NPIPB2: variants seen among roughly 807,000 people sequenced by gnomAD.
NPIPB2 encodes the protein nuclear pore complex interacting protein family member B2, also known as nuclear pore complex-interacting protein family member B2.
In NPIPB2, 27 loss-of-function variants were observed where a neutral mutation model predicts 30.8. That is an observed-to-expected ratio of 0.88 (90% CI 0.65 to 1.21). The LOEUF is 1.21. Among genes scored for constraint, NPIPB2 ranks in the 50% most tolerant of loss-of-function variants. NPIPB2 has a pLI of 0.00. For synonymous variants in NPIPB2, 147 were observed against 162.0 expected, an observed-to-expected ratio of 0.91 and a Z score of 0.70; for missense variants, 440 against 446.2, an observed-to-expected ratio of 0.99 and a Z score of 0.13.
chr16:11,960,944 G>A (rs543295028), intron 1 of NPIPB2, among the ~76,000 whole-genome samples: 1 of 150,494 alleles, frequency 6.6e-6, no homozygotes, highest in East Asian at 2.0e-4. Context: ...TTGGCTCACT[G>A]CAACCTCTGC....
chr16:11,937,620 C>T (rs759531268), exon 2 of NPIPB2: 4 of 1,599,462 alleles, frequency 2.5e-6, no homozygotes, highest in Non-Finnish European at 3.4e-6. Context: ...CAAGGACTTC[C>T]ACCAAAGTCA....
At chr16:11,942,804 C>G (rs2054957166), upstream of NPIPB2, among the ~76,000 whole-genome samples, 1 of 151,898 alleles carries the variant, frequency 6.6e-6, no homozygotes, top group African/African-American at 2.4e-5. Flanking sequence ...CCTTTCCTGG[C>G]CCTGTCCTCA....
intron 1 of NPIPB2, chr16:11,976,475 T>G (rs2055298916): frequency 3.1e-6 from 1 of 318,748 alleles, no homozygotes; most frequent in African/African-American, 2.2e-5. Flanking sequence ...TGGGACGAAG[T>G]CGCCCCATCA....
intron 1 of NPIPB2, among the ~76,000 whole-genome samples, chr16:11,973,802 T>G (rs1264166169): frequency 6.6e-6 from 1 of 151,874 alleles, no homozygotes; most frequent in African/African-American, 2.4e-5. Flanking sequence ...AGCCAAATTA[T>G]CACAAGGCTA....
chr16:11,933,213 T>C (rs1019746733), intron 4 of NPIPB2, among the ~76,000 whole-genome samples: 4 of 151,174 alleles, frequency 2.6e-5, no homozygotes, highest in Non-Finnish European at 4.4e-5. Flanking sequence ...CATTGTGCCA[T>C]TGCACTACAG....
intron 1 of NPIPB2, chr16:11,966,420 C>T (rs956538898): frequency 1.6e-5 from 23 of 1,437,404 alleles, no homozygotes; most frequent in Admixed American, 5.9e-5. Flanking sequence ...CTTTTTTTAG[C>T]GTTGACTATT....
At chr16:11,939,922 CA>C (rs1212674948) in intron 1 of NPIPB2, among the ~76,000 whole-genome samples, 3 of 77,362 alleles carry the variant, frequency 3.9e-5, no homozygotes, top group Non-Finnish European at 6.0e-5. Context: ...TTGAGCAGAA[CA>C]AAGCAGACAC....
intron 1 of NPIPB2, among the ~76,000 whole-genome samples, chr16:11,940,860 T>G (rs1237234890): frequency 6.9e-6 from 1 of 144,972 alleles, no homozygotes; most frequent in Non-Finnish European, 1.5e-5. Context: ...GAGACAAGAG[T>G]GCAGCGGGGC....
intron 1 of NPIPB2, among the ~76,000 whole-genome samples, chr16:11,960,754 G>T (rs1477066398): frequency 2.0e-5 from 3 of 152,010 alleles, no homozygotes; most frequent in Non-Finnish European, 2.9e-5. Context: ...GGCCATCAAT[G>T]ACCTGCTTCT....
At position 11,967,797 on chromosome 16, in the gene NPIPB2, C is replaced by A. The variant is rs772934099; in HGVS notation, c.-584+8771G>T. On this transcript the variant is annotated intron_variant, in intron 1 of 5. Transcript: ENST00000538896. ...AACGAATGACTATTGCAAGAGCCTG[C>A]CAGCTGCTTTGAGTGCTACGGAGAT... 3 of 1,614,192 alleles carry A rather than the reference C, an allele frequency of 1.9e-6. No homozygotes were observed. The Admixed American group carries it at 5.0e-5, about 27-fold the overall frequency.
At chr16:11,955,285 C>T (rs560720297) in intron 1 of NPIPB2, among the ~76,000 whole-genome samples, 7 of 124,342 alleles carry the variant, frequency 5.6e-5, no homozygotes, top group East Asian at 2.8e-4. Flanking sequence ...ACCTGGGAGG[C>T]GGGGTTTGCA....
At chr16:11,951,987 G>T (rs572414670) in intron 1 of NPIPB2, among the ~76,000 whole-genome samples, 1 of 151,998 alleles carries the variant, frequency 6.6e-6, no homozygotes, top group African/African-American at 2.4e-5. Context: ...GTGAAACCCC[G>T]ACTCTACTAA....
At chr16:11,938,044 C>T (rs1461762360) in intron 1 of NPIPB2, among the ~76,000 whole-genome samples, 4 of 152,188 alleles carry the variant, frequency 2.6e-5, no homozygotes, top group South Asian at 2.1e-4. Flanking sequence ...GACAGAGTTC[C>T]GCTCCACTCA....
At chr16:11,967,790 G>C in intron 1 of NPIPB2, 1 of 1,614,226 alleles carries the variant, frequency 6.2e-7, no homozygotes, top group Non-Finnish European at 8.5e-7. Context: ...ACTATTGCAA[G>C]AGCCTGCCAG....
chr16:11,933,410 T>C (rs2054817447), intron 4 of NPIPB2, 107 bp downstream of exon 4: 1 of 1,521,436 alleles, frequency 6.6e-7, no homozygotes, highest in Non-Finnish European at 8.9e-7. Flanking sequence ...TTGAACCCAC[T>C]GAATTTGCCA....
intron 1 of NPIPB2, chr16:11,966,430 T>G: frequency 4.4e-6 from 6 of 1,357,854 alleles, no homozygotes; most frequent in Non-Finnish European, 6.1e-6. Flanking sequence ...CGTTGACTAT[T>G]TCACTTCGTT....
intron 1 of NPIPB2, among the ~76,000 whole-genome samples, chr16:11,969,579 G>A (rs1433365564): frequency 6.6e-6 from 1 of 152,162 alleles, no homozygotes; most frequent in African/African-American, 2.4e-5. Flanking sequence ...TTAAAGGAAA[G>A]CTAACTTATG....
chr16:11,966,315 C>A, intron 1 of NPIPB2: 1 of 1,612,702 alleles, frequency 6.2e-7, no homozygotes, highest in Non-Finnish European at 8.5e-7. Context: ...AACTCTGAAC[C>A]ATTAAAGGAC....
chr16:11,931,849 G>A (rs1231024792), intron 4 of NPIPB2, among the ~76,000 whole-genome samples: 3 of 152,104 alleles, frequency 2.0e-5, no homozygotes, highest in Non-Finnish European at 4.4e-5. Context: ...GGTGAAGATG[G>A]AGAAGAAGGA....
Sources: allele counts gnomAD v4.1 joint callset (sites outside exome capture counted in the v4.1 genomes callset), GRCh38; gene constraint gnomAD v4.1.1; transcripts MANE v1.5; gene names NCBI Gene and HGNC (gene_info 2026-07-23, HGNC 2026-07-21).